Variants in PHC2 observed in about 807,000 individuals in gnomAD.
The protein encoded by PHC2 is polyhomeotic homolog 2.
In PHC2, 29 loss-of-function variants were observed where a neutral mutation model predicts 87.4. The ratio of observed to expected loss-of-function variants is 0.33; its 90% confidence interval spans 0.25 to 0.45. PHC2 has a LOEUF of 0.45. Ranked by LOEUF, PHC2 falls within the 20% of genes least tolerant of loss-of-function variation. The probability of loss-of-function intolerance (pLI) is 1.00; values close to 1 mark genes in which losing one functional copy is unlikely to be tolerated. For synonymous variants in PHC2, 438 were observed against 461.7 expected, an observed-to-expected ratio of 0.95 and a Z score of 0.66; for missense variants, 857 against 1,136.7, an observed-to-expected ratio of 0.75 and a Z score of 3.54.
Position 33,349,837 on chromosome 1 carries a change from G to A in PHC2, c.1558+4564C>T. 2 of 976,246 alleles carry A rather than the reference G, an allele frequency of 2.0e-6. No homozygotes were observed. The highest frequency in any genetic ancestry group is 1.2e-6 in the Non-Finnish European group (1 of 824,704). The allele number at this position is 976,246 out of a possible 1,614,324, so 60.5% of individuals were successfully genotyped here. ...GGCCGGGGCGGGAGCGCGGGCGGCG[G>A]CCGGGGTTGCGCGCGCGCGCGCGGC... On this transcript the variant is annotated intron_variant, in intron 9 of 14. Coordinates refer to ENST00000683057, the MANE Select transcript of PHC2 (RefSeq NM_001385109.1). The surrounding 1 kb of genome is among the most constrained non-coding windows in gnomAD (Gnocchi z 4.2).
chr1:33,341,706 T>C (rs1040867525), intron 9 of PHC2, among the ~76,000 whole-genome samples: 7 of 152,246 alleles, frequency 4.6e-5, no homozygotes, highest in Non-Finnish European at 8.8e-5. Flanking sequence ...TACACATTGA[T>C]TACGTGTGCG....
At chr1:33,410,367 A>G (rs1274890738) in intron 1 of PHC2, among the ~76,000 whole-genome samples, 1 of 152,230 alleles carries the variant, frequency 6.6e-6, no homozygotes, top group East Asian at 1.9e-4. Flanking sequence ...TGGGAACGTA[A>G]CAGACAGAGC....
chr1:33,350,270 ATTG>A (rs1277559457), intron 9 of PHC2: 3 of 151,942 alleles, frequency 2.0e-5, no homozygotes, highest in Non-Finnish European at 4.4e-5. Flanking sequence ...TCCCCGACTT[ATTG>A]TTCACAACGA....
rs34902529 is a variant in PHC2 at position 33,364,359 on chromosome 1, GACACACAC to G, written c.976+2749_976+2756del. 7.5e-5 allele frequency among the ~76,000 whole-genome samples: 11 copies of G among 145,828 alleles called. No individual in the cohort carries two copies. The highest frequency in any genetic ancestry group is 2.0e-4 in the East Asian group (1 of 4,932). ...GCGCTCGCTTGCTTTCTCTCTCCCA[GACACACAC>G]ACACACACACACACACTTGCTTTCA... On this transcript the variant is annotated intron_variant, in intron 7 of 14. Coordinates refer to ENST00000683057, the MANE Select transcript of PHC2 (RefSeq NM_001385109.1). The surrounding 1 kb of genome is among the most constrained non-coding windows in gnomAD (Gnocchi z 4.1).
chr1:33,329,365 T>C (rs1481299901), intron 13 of PHC2, among the ~76,000 whole-genome samples: 1 of 152,188 alleles, frequency 6.6e-6, no homozygotes, highest in Non-Finnish European at 1.5e-5. Context: ...AATTATCTTT[T>C]TCTAAACATG....
At chr1:33,342,017 C>G (rs1646754398) in intron 9 of PHC2, among the ~76,000 whole-genome samples, 3 of 152,214 alleles carry the variant, frequency 2.0e-5, no homozygotes, top group African/African-American at 7.2e-5. Context: ...GGACCTCTCC[C>G]AGAGAAGGGA....
At chr1:33,365,982 A>G (rs1647427828) in intron 7 of PHC2, among the ~76,000 whole-genome samples, 1 of 152,226 alleles carries the variant, frequency 6.6e-6, no homozygotes, top group Non-Finnish European at 1.5e-5. Context: ...CTGTGCCCAC[A>G]CTGTACCTGG....
intron 1 of PHC2, among the ~76,000 whole-genome samples, chr1:33,397,508 C>T (rs1222279285): frequency 1.3e-5 from 2 of 152,174 alleles, no homozygotes; most frequent in Admixed American, 6.5e-5. Flanking sequence ...GAGGAGACTT[C>T]GCAGAAAGGT....
At chr1:33,409,322 T>G (rs1649891250) in intron 1 of PHC2, among the ~76,000 whole-genome samples, 2 of 152,196 alleles carry the variant, frequency 1.3e-5, no homozygotes, top group Non-Finnish European at 2.9e-5. Flanking sequence ...TATAATAGAA[T>G]ATCATATTTA....
At chr1:33,385,475 T>G (rs1487187777) in intron 1 of PHC2, among the ~76,000 whole-genome samples, 1 of 152,190 alleles carries the variant, frequency 6.6e-6, no homozygotes, top group Non-Finnish European at 1.5e-5. Flanking sequence ...TGCGCCTCAT[T>G]TGCCTCTCTG....
At chr1:33,395,590 G>GA (rs1420205952) in intron 1 of PHC2, among the ~76,000 whole-genome samples, 1 of 152,134 alleles carries the variant, frequency 6.6e-6, no homozygotes, top group Non-Finnish European at 1.5e-5. Flanking sequence ...ATGGATGGGG[G>GA]ATGGACAGTT....
Position 33,331,056 on chromosome 1 carries a change from G to A in PHC2, c.2006+292C>T, listed in dbSNP as rs1646484114. Among the ~76,000 whole-genome samples the A allele has an allele frequency of 6.6e-6, 1 of 152,152 alleles. No homozygotes were observed. The highest frequency in any genetic ancestry group is 1.5e-5 in the Non-Finnish European group (1 of 68,026). ...GGTAAGGCTTACCCTAACAAGGCAG[G>A]GGCTGTCAATGCTAGGAAAGGCGAA... is the stretch of plus-strand genomic sequence containing the variant. On this transcript the variant is annotated intron_variant, in intron 12 of 14. Transcript: ENST00000683057. This position sits in a 1 kb window ranked among gnomAD's most constrained non-coding sequence, Gnocchi z 5.2.
intron 1 of PHC2, among the ~76,000 whole-genome samples, chr1:33,376,179 C>T (rs1026261573): frequency 3.9e-5 from 6 of 152,168 alleles, no homozygotes; most frequent in African/African-American, 9.7e-5. Flanking sequence ...GGATTACAGG[C>T]GACCACCACC....
chr1:33,347,314 G>A (rs1425900986), intron 9 of PHC2: 24 of 985,424 alleles, frequency 2.4e-5, no homozygotes, highest in Non-Finnish European at 2.9e-5. Context: ...AGAGAATGCA[G>A]AAACAATGGC....
chr1:33,393,039 C>A (rs1649136388), intron 1 of PHC2, among the ~76,000 whole-genome samples: 2 of 152,166 alleles, frequency 1.3e-5, no homozygotes, highest in African/African-American at 4.8e-5. Flanking sequence ...GATCCCTTCC[C>A]TTGTCCCCTC....
At chr1:33,392,122 A>G (rs1037389124) in intron 1 of PHC2, among the ~76,000 whole-genome samples, 3 of 152,092 alleles carry the variant, frequency 2.0e-5, no homozygotes, top group African/African-American at 7.2e-5. Context: ...TCAGGACACA[A>G]TCTTGAAAAT....
intron 1 of PHC2, among the ~76,000 whole-genome samples, chr1:33,388,794 T>A (rs190484711): frequency 6.6e-6 from 1 of 152,132 alleles, no homozygotes; most frequent in Non-Finnish European, 1.5e-5. Flanking sequence ...AGATCAGTGA[T>A]TACATGAGGC....
At position 33,368,589 on chromosome 1, in the gene PHC2, C is replaced by T. The variant is rs1200562522; in HGVS notation, c.610G>A (p.Val204Met). 1.3e-6 allele frequency: 2 copies of T among 1,551,002 alleles called. No individual in the cohort carries two copies. Among genetic ancestry groups the T allele is most frequent in the Admixed American group, 2.0e-5 (1 of 50,996 alleles). Reference protein sequence around the residue: ...IFTPTATVATVQPELGTGSPA... With the variant: ...IFTPTATVATMQPELGTGSPA... Reference sequence around the variant, plus strand: ...GAGCCAGTGCCGAGCTCAGGCTGCACAGTAGCGACGGTGGCCGTGGGCGTG... The same window carrying T: ...GAGCCAGTGCCGAGCTCAGGCTGCATAGTAGCGACGGTGGCCGTGGGCGTG... The change falls in exon 6 of 15, where the codon GTG becomes ATG. Residue 204 changes from valine (V) to methionine (M), a missense_variant. Coordinates refer to ENST00000683057, the MANE Select transcript of PHC2 (RefSeq NM_001385109.1). The surrounding 1 kb of genome is among the most constrained non-coding windows in gnomAD (Gnocchi z 6.6).
chr1:33,404,205 C>T (rs147039905), intron 1 of PHC2, among the ~76,000 whole-genome samples: 1,999 of 152,316 alleles, frequency 0.013, 24 homozygotes, highest in Non-Finnish European at 0.02. Context: ...AATGGCACTG[C>T]CAGTCATCCT....
Sources: allele counts gnomAD v4.1 joint callset (sites outside exome capture counted in the v4.1 genomes callset), GRCh38; gene constraint gnomAD v4.1.1; non-coding constraint Gnocchi (gnomAD v3.1); transcripts MANE v1.5; gene names NCBI Gene and HGNC (gene_info 2026-07-23, HGNC 2026-07-21).